The following NDE1 variants were observed in gnomAD, a reference collection of about 807,000 sequenced individuals.
The protein encoded by NDE1 is nuclear distribution protein nudE homolog 1.
In NDE1, 28 loss-of-function variants were observed where a neutral mutation model predicts 43.4. The ratio of observed to expected loss-of-function variants is 0.65; its 90% CI spans 0.48 to 0.89. The LOEUF (loss-of-function observed/expected upper bound fraction) is 0.89, where lower values mean the gene tolerates loss of function less well. Among genes scored for constraint, NDE1 ranks in the 40% least tolerant of loss-of-function variants. The pLI, the probability that NDE1 is intolerant of heterozygous loss-of-function variation, is 0.00. For missense variants in NDE1, 441 were observed against 434.1 expected, an observed-to-expected ratio of 1.02 and a Z score of -0.14; for synonymous variants, 184 against 172.0, an observed-to-expected ratio of 1.07 and a Z score of -0.55.
In NDE1 at chr16:15,725,341, A is replaced by G. The variant is rs1215734353; in HGVS notation, c.*1090A>G. 3.6e-6 allele frequency: 2 copies of G among 560,768 alleles called. No homozygotes were observed. The highest frequency in any genetic ancestry group is 3.0e-5 in the East Asian group (1 of 33,170). The allele number at this position is 560,768 out of a possible 1,614,324, so 34.7% of individuals were successfully genotyped here. On this transcript the variant is annotated 3_prime_UTR_variant, in exon 9 of 9. Coordinates refer to ENST00000396354, the MANE Select transcript of NDE1 (RefSeq NM_017668.3). ...TGGTAGAGACAAAGCAGCAGGTCTG[A>G]GAGTCCAGACGAGGTGCTCTGGCTG...
chr16:15,663,024 A>G (rs1354486162), intron 1 of NDE1, among the ~76,000 whole-genome samples: 1 of 152,030 alleles, frequency 6.6e-6, no homozygotes, highest in Non-Finnish European at 1.5e-5. Context: ...ACTTTCTCCA[A>G]TGGTTTCCCA....
intron 2 of NDE1, among the ~76,000 whole-genome samples, chr16:15,665,416 C>T (rs2037251862): frequency 6.6e-6 from 1 of 151,984 alleles, no homozygotes. Flanking sequence ...TCCTACTATG[C>T]TACTTTACAT....
Position 15,725,630 on chromosome 16 carries a change from AT to A in NDE1, c.*1380del, listed in dbSNP as rs1249919633. The A allele has an allele frequency of 2.5e-6, 1 of 401,194 alleles. No individual in the cohort carries two copies. Among genetic ancestry groups the A allele is most frequent in the South Asian group, 1.2e-4 (1 of 8,100 alleles). 24.9% of individuals were successfully genotyped at this position (401,194 alleles called of 1,614,324 possible). ...GATATGAATGATCTTGACACTGCTT[AT>A]ATGAGGGCGGCAAAAGCCCTGCTCT... On this transcript the variant is annotated 3_prime_UTR_variant, in exon 9 of 9. Transcript: ENST00000396354.
intron 8 of NDE1, chr16:15,721,642 A>G (rs753422471): frequency 6.2e-7 from 1 of 1,614,052 alleles, no homozygotes; most frequent in Non-Finnish European, 8.5e-7. Context: ...CAACTACAAC[A>G]CAAGACCCAG....
rs201466303 is a variant in NDE1, at chr16:15,715,695, C to T, written c.948-8496C>T. Among the ~76,000 whole-genome samples, 6 of 152,224 alleles carry T rather than the reference C, an allele frequency of 3.9e-5. No homozygotes were observed. The East Asian group carries it at 1.2e-3, about 29-fold the overall frequency. Reference sequence around the variant, plus strand: ...GTTGGAGTGCAGTGGTGCTCCAATGCCTGCTCTTCACCCTAGTTCATAGTT... The same window carrying T: ...GTTGGAGTGCAGTGGTGCTCCAATGTCTGCTCTTCACCCTAGTTCATAGTT... On this transcript the variant is annotated intron_variant, in intron 8 of 8. Coordinates refer to ENST00000396354, the MANE Select transcript of NDE1 (RefSeq NM_017668.3).
At chr16:15,679,717 G>A (rs982356808) in intron 4 of NDE1, among the ~76,000 whole-genome samples, 1 of 152,138 alleles carries the variant, frequency 6.6e-6, no homozygotes, top group Non-Finnish European at 1.5e-5. Flanking sequence ...CTTTGGGGTT[G>A]TATTGTAGGC....
chr16:15,654,583 A>G (rs1175793750), intron 1 of NDE1, among the ~76,000 whole-genome samples: 1 of 137,592 alleles, frequency 7.3e-6, no homozygotes, highest in Non-Finnish European at 1.5e-5. Flanking sequence ...CCTGGGCAAC[A>G]GAGAAAGAGA....
chr16:15,648,718 A>G (rs1895728742), upstream of NDE1, among the ~76,000 whole-genome samples: 1 of 152,114 alleles, frequency 6.6e-6, no homozygotes, highest in South Asian at 2.1e-4. Flanking sequence ...TAAGACAAGA[A>G]AATCGCTTGA....
intron 6 of NDE1, among the ~76,000 whole-genome samples, chr16:15,692,741 C>G (rs2038814224): frequency 6.6e-6 from 1 of 150,598 alleles, no homozygotes; most frequent in South Asian, 2.1e-4. Flanking sequence ...TACTTTATTT[C>G]ATTGTTGTTT....
At chr16:15,709,598 A>C (rs948279800) in intron 8 of NDE1, among the ~76,000 whole-genome samples, 2 of 152,188 alleles carry the variant, frequency 1.3e-5, no homozygotes, top group African/African-American at 4.8e-5. Flanking sequence ...TACAGGTGTG[A>C]GCCACTGCAC....
intron 1 of NDE1, among the ~76,000 whole-genome samples, chr16:15,655,697 T>C (rs2036727687): frequency 6.6e-6 from 1 of 152,052 alleles, no homozygotes; most frequent in Non-Finnish European, 1.5e-5. Context: ...TATTGCGGCA[T>C]TATTCACAAT....
upstream of NDE1, chr16:15,649,262 A>G (rs984397297): frequency 6.6e-6 from 1 of 152,192 alleles, no homozygotes; most frequent in Non-Finnish European, 1.5e-5. Flanking sequence ...CTAAGTTCAA[A>G]TTTCTGTTCT....
chr16:15,654,006 C>T (rs2036630124), intron 1 of NDE1, among the ~76,000 whole-genome samples: 1 of 151,972 alleles, frequency 6.6e-6, no homozygotes, highest in South Asian at 2.1e-4. Context: ...GCTGGGATTA[C>T]AGGCATGAGC....
chr16:15,655,235 C>T, intron 1 of NDE1, among the ~76,000 whole-genome samples: 1 of 152,124 alleles, frequency 6.6e-6, no homozygotes, highest in African/African-American at 2.4e-5. Context: ...CCAGGCTGGT[C>T]TTGAACCCCT....
At position 15,717,195 on chromosome 16, in the gene NDE1, C is replaced by T. The variant is rs370077312; in HGVS notation, c.948-6996C>T. 18 of 1,614,094 alleles carry T rather than the reference C, an allele frequency of 1.1e-5. No homozygotes were observed. The highest frequency in any genetic ancestry group is 8.8e-5 in the South Asian group (8 of 91,090). On this transcript the variant is annotated intron_variant, in intron 8 of 8. Transcript: ENST00000396354. The stretch of plus-strand genomic sequence containing the variant: ...TGTGCAATCTTGGCCTCCAGCGCCG[C>T]GATGGTGGACTTGAACTTGGACTTG...
Position 15,725,912 on chromosome 16 carries a change from A to C in NDE1, c.*1661A>C, listed in dbSNP as rs929174142. ...TGTAATAGGTTCTCAAAAGCCCTAC[A>C]TCATCTGGGTACAAGCTCCCCCTCC... is the stretch of plus-strand genomic sequence containing the variant. On this transcript the variant is annotated 3_prime_UTR_variant, in exon 9 of 9. Transcript: ENST00000396354. The C allele has an allele frequency of 2.6e-5, 10 of 382,386 alleles. No homozygotes were observed. Among genetic ancestry groups the C allele is most frequent in the Non-Finnish European group, 4.6e-5 (10 of 216,510 alleles). The allele number at this position is 382,386 out of a possible 1,614,324, so 23.7% of individuals were successfully genotyped here. A position where few individuals can be genotyped will look rare whatever the true frequency, so the allele number is the denominator to read the frequency against.
intron 1 of NDE1, among the ~76,000 whole-genome samples, chr16:15,663,021 C>T (rs1567623210): frequency 6.6e-6 from 1 of 152,160 alleles, no homozygotes; most frequent in East Asian, 1.9e-4. Flanking sequence ...CTAACTTTCT[C>T]CAATGGTTTC....
rs550076836 is a variant in NDE1, at chr16:15,725,149, A to C, written c.*898A>C. 32 of 575,984 alleles carry C rather than the reference A, an allele frequency of 5.6e-5. No individual in the cohort carries two copies. Among genetic ancestry groups the C allele is most frequent in the Non-Finnish European group, 8.2e-5 (27 of 330,282 alleles). The allele number at this position is 575,984 out of a possible 1,614,324, so 35.7% of individuals were successfully genotyped here. On this transcript the variant is annotated 3_prime_UTR_variant, in exon 9 of 9. Coordinates refer to ENST00000396354, the MANE Select transcript of NDE1 (RefSeq NM_017668.3). The stretch of plus-strand genomic sequence containing the variant: ...GGGACTCTGATAAAAAAAAAAAAAA[A>C]CACACACACACACAAAAAAAACAGA...
At chr16:15,699,172 G>T (rs367653154) in intron 8 of NDE1, among the ~76,000 whole-genome samples, 1 of 152,036 alleles carries the variant, frequency 6.6e-6, no homozygotes. Context: ...GAGATTTCTA[G>T]AGGTGAGTTT....
Sources: gnomAD v4.1 joint callset for allele counts (sites outside exome capture counted in the v4.1 genomes callset) on GRCh38, gnomAD v4.1.1 for gene constraint, MANE v1.5 for transcripts, NCBI Gene and HGNC (gene_info 2026-07-23, HGNC 2026-07-21) for gene names.